Variants in RMND1 observed in about 807,000 individuals in gnomAD.
The protein encoded by RMND1 is required for meiotic nuclear division protein 1 homolog.
Under a neutral mutation model 54.0 loss-of-function variants are expected in RMND1, and 41 were observed. The observed-to-expected ratio is 0.76, with a 90% confidence interval of 0.59 to 0.98. The LOEUF is 0.98. Among genes scored for constraint, RMND1 ranks in the 50% least tolerant of loss-of-function variants. The pLI is 0.00. For missense variants in RMND1, 457 were observed against 532.0 expected (o/e 0.86, Z 1.39); for synonymous variants, 183 against 181.7 (o/e 1.01, Z -0.06).
chr6:151,445,699 T>C lies in RMND1; in HGVS notation c.113A>G (p.Asn38Ser). The part of the protein sequence containing the change: ...LMLKPLKEFE[N>S]TTCSTLTIRQ... ...TATTGTCAGTGTGCTGCATGTTGTA[T>C]TTTCAAATTCCTTAAGTGGTTTTAA... Residue 38 changes from asparagine to serine, a missense_variant, in exon 2 of 12, where the codon AAT becomes AGT. Coordinates refer to ENST00000444024, the MANE Select transcript of RMND1 (RefSeq NM_017909.4). 1 of 1,614,166 alleles carries C rather than the reference T, an allele frequency of 6.2e-7. No homozygotes were observed. Among genetic ancestry groups the C allele is most frequent in the South Asian group, 1.1e-5 (1 of 91,076 alleles).
Position 151,430,137 on chromosome 6 carries a change from C to T in RMND1, c.729+1G>A, listed in dbSNP as rs754754701. On this transcript the variant is annotated splice_donor_variant, in intron 5 of 11. Transcript: ENST00000444024. LOFTEE classifies it high-confidence loss of function. ...ATTTTCACATTTTTATTTACACTTA[C>T]AGTTTTGTCTTTCACATTCCAAAAC... The T allele has an allele frequency of 3.8e-6, 6 of 1,592,012 alleles. No homozygotes were observed. In the South Asian group the frequency reaches 6.7e-5, roughly 18 times the overall value.
chr6:151,411,982 C>A (rs1251415618), intron 10 of RMND1: 2 of 152,224 alleles, frequency 1.3e-5, no homozygotes, highest in African/African-American at 2.4e-5. Context: ...TTTGTGTCAT[C>A]CCCTACCCTC....
intron 1 of RMND1, among the ~76,000 whole-genome samples, chr6:151,447,397 T>C (rs35143743): frequency 0.35 from 52,986 of 152,052 alleles, 10,104 homozygotes; most frequent in East Asian, 0.54. Flanking sequence ...GCTTTCTACA[T>C]GCTAAGTGCT....
intron 10 of RMND1, among the ~76,000 whole-genome samples, chr6:151,412,166 T>C (rs1779861730): frequency 6.6e-6 from 1 of 152,126 alleles, no homozygotes; most frequent in Admixed American, 6.5e-5. Flanking sequence ...CATGCCCAGC[T>C]AATTTTTGTA....
chr6:151,423,538 A>G lies in RMND1; in HGVS notation c.924T>C (p.Ala308=). ...AILEKFAFSN[A]LCLSVKLAIW... ...GTAGTAACTTACCAGAAAGGCATAG[A>G]GCATTGGAGAAAGCAAACTTCTCTA... Residue 308 remains alanine (A), a synonymous_variant, in exon 7 of 12, where the codon GCT becomes GCC. Transcript: ENST00000444024. 2.5e-6 allele frequency: 4 copies of G among 1,608,042 alleles called. No individual in the cohort carries two copies. The highest frequency in any genetic ancestry group is 3.4e-6 in the Non-Finnish European group (4 of 1,174,488).
chr6:151,445,931 CAG>C, intron 1 of RMND1, 106 bp from the exon 2 acceptor site: 1 of 978,278 alleles, frequency 1.0e-6, no homozygotes, highest in Non-Finnish European at 1.5e-6. Flanking sequence ...ATTTGTAAAA[CAG>C]ATACATTCTA....
chr6:151,432,164 C>T (rs971689854), intron 4 of RMND1, among the ~76,000 whole-genome samples: 3 of 152,122 alleles, frequency 2.0e-5, no homozygotes, highest in African/African-American at 7.2e-5. Context: ...GTCTCAAACT[C>T]CTGACCTTGT....
chr6:151,424,319 C>T (rs1041917165), intron 6 of RMND1, among the ~76,000 whole-genome samples: 2 of 151,612 alleles, frequency 1.3e-5, no homozygotes, highest in South Asian at 2.1e-4. Context: ...TAAAATTAGC[C>T]GGGTGTGGTG....
chr6:151,433,060 AT>A lies in RMND1; in HGVS notation c.689+94del. 3 of 671,418 alleles carry A rather than the reference AT, an allele frequency of 4.5e-6. No individual in the cohort carries two copies. In the East Asian group the frequency reaches 8.0e-5, roughly 18 times the overall value. The allele number at this position is 671,418 out of a possible 1,614,324, so 41.6% of individuals were successfully genotyped here. A position where few individuals can be genotyped will look rare whatever the true frequency, so the allele number is the denominator to read the frequency against. ...TAAATCACAAATACATTTTGAACACATTTACTGTTAAGAAAGGTATGCCTGC... is the reference window on the plus strand; with the variant it reads ...TAAATCACAAATACATTTTGAACACATTACTGTTAAGAAAGGTATGCCTGC... On this transcript the variant is annotated intron_variant, in intron 4 of 11. Coordinates refer to ENST00000444024, the MANE Select transcript of RMND1 (RefSeq NM_017909.4).
chr6:151,406,541 T>C (rs1283333725), intron 10 of RMND1, among the ~76,000 whole-genome samples: 1 of 152,102 alleles, frequency 6.6e-6, no homozygotes, highest in Non-Finnish European at 1.5e-5. Context: ...TTTGTATTTT[T>C]AGTAGAGATG....
chr6:151,451,165 C>T (rs1781175578), intron 1 of RMND1, among the ~76,000 whole-genome samples: 1 of 149,152 alleles, frequency 6.7e-6, no homozygotes, highest in Admixed American at 6.7e-5. Context: ...CCTGCCAAAT[C>T]CCCCTCTGCG....
chr6:151,445,382 C>A lies in RMND1; in HGVS notation c.430G>T (p.Val144Leu), dbSNP rs752907662. The A allele has an allele frequency of 1.9e-6, 3 of 1,613,958 alleles. No homozygotes were observed. Among genetic ancestry groups the A allele is most frequent in the Non-Finnish European group, 2.5e-6 (3 of 1,179,858 alleles). The stretch of plus-strand genomic sequence containing the variant: ...CTGGATGCTTTTAGTGGTCTCTTCA[C>A]CTGTGGGAAGTCTTGTTTTGGAACA... ...TFVPKQDFPQ[V>L]KRPLKASRTR... Residue 144 changes from valine (V) to leucine (L), a missense_variant, in exon 2 of 12, where the codon GTG (valine) becomes TTG (leucine). Coordinates refer to ENST00000444024, the MANE Select transcript of RMND1 (RefSeq NM_017909.4).
intron 10 of RMND1, chr6:151,411,301 C>T (rs1475854478): frequency 1.3e-5 from 2 of 152,198 alleles, no homozygotes; most frequent in African/African-American, 2.4e-5. Flanking sequence ...TAGAGCCACC[C>T]GTGAAGGACT....
intron 9 of RMND1, chr6:151,420,594 T>C (rs1780126176): frequency 6.6e-6 from 1 of 152,314 alleles, no homozygotes; most frequent in African/African-American, 2.4e-5. Flanking sequence ...TTTTTAGACA[T>C]AGTTATTCCC....
At chr6:151,438,355 G>A (rs899092981) in intron 2 of RMND1, among the ~76,000 whole-genome samples, 8 of 152,212 alleles carry the variant, frequency 5.3e-5, no homozygotes, top group Non-Finnish European at 1.2e-4. Context: ...AATTACTTCT[G>A]TGATGGCTAC....
intron 10 of RMND1, chr6:151,411,361 G>C (rs1051636865): frequency 4.6e-5 from 7 of 152,516 alleles, no homozygotes; most frequent in Admixed American, 1.3e-4. Flanking sequence ...CAGGTGTAGG[G>C]TGCCAGGGAC....
intron 1 of RMND1, among the ~76,000 whole-genome samples, chr6:151,449,561 G>C (rs944164560): frequency 2.6e-5 from 4 of 151,982 alleles, no homozygotes; most frequent in Non-Finnish European, 4.4e-5. Flanking sequence ...ACCTCCTTCA[G>C]ATGTTTGCTA....
In RMND1 at chr6:151,433,708, A is replaced by G. The variant is rs1398088796; in HGVS notation, c.614-478T>C. ...TGCTGAATTTTAAAGTATAAAAAGT[A>G]GGGCAATAGAAAATACACAGAAATA... On this transcript the variant is annotated intron_variant, in intron 3 of 11. Coordinates refer to ENST00000444024, the MANE Select transcript of RMND1 (RefSeq NM_017909.4). Among the ~76,000 whole-genome samples the G allele has an allele frequency of 3.9e-5, 6 of 152,252 alleles. No individual in the cohort carries two copies. The East Asian group carries it at 1.2e-3, about 29-fold the overall frequency.
intron 10 of RMND1, chr6:151,411,701 A>G (rs1779840117): frequency 6.6e-6 from 1 of 152,180 alleles, no homozygotes; most frequent in Admixed American, 6.5e-5. Context: ...AAAAGATCAG[A>G]TCATTAAATT....
Sources: gnomAD v4.1 joint callset for allele counts (sites outside exome capture counted in the v4.1 genomes callset) on GRCh38, gnomAD v4.1.1 for gene constraint, MANE v1.5 for transcripts, NCBI Gene and HGNC (gene_info 2026-07-23, HGNC 2026-07-21) for gene names.